DLGAP2: variants seen among roughly 807,000 people sequenced by gnomAD.
The protein encoded by DLGAP2 is disks large-associated protein 2.
In DLGAP2, 26 loss-of-function variants were observed where a neutral mutation model predicts 100.3. The ratio of observed to expected loss-of-function variants is 0.26; its 90% CI spans 0.19 to 0.36. The LOEUF (loss-of-function observed/expected upper bound fraction) is 0.36. DLGAP2 is among the 10% of genes least tolerant of loss of function. The pLI is 1.00. For missense variants in DLGAP2, 1,858 were observed against 1,453.2 expected (o/e 1.28, Z -4.53); for synonymous variants, 886 against 630.1 (o/e 1.41, Z -6.08).
intron 1 of DLGAP2, among the ~76,000 whole-genome samples, chr8:789,566 T>G (rs1362690965): frequency 6.6e-6 from 1 of 152,212 alleles, no homozygotes; most frequent in Non-Finnish European, 1.5e-5. Context: ...TGCAGAAAAC[T>G]GACTCTGGAT....
At chr8:1,536,279 T>C (rs1410932489) in intron 4 of DLGAP2, among the ~76,000 whole-genome samples, 6 of 152,152 alleles carry the variant, frequency 3.9e-5, no homozygotes, top group African/African-American at 7.2e-5. Context: ...CTGCCAGTCA[T>C]GGGTAGTGAC....
At chr8:777,525 A>G (rs1218475004) in intron 1 of DLGAP2, among the ~76,000 whole-genome samples, 3 of 150,144 alleles carry the variant, frequency 2.0e-5, no homozygotes, top group African/African-American at 7.4e-5. Flanking sequence ...TTCCTTCAGG[A>G]GCTCTTTTAG....
chr8:1,289,840 C>A (rs1563063647), intron 3 of DLGAP2, among the ~76,000 whole-genome samples: 1 of 152,146 alleles, frequency 6.6e-6, no homozygotes, highest in Non-Finnish European at 1.5e-5. Context: ...AGGATTTCAG[C>A]AGTGATGGGA....
At chr8:1,043,621 AG>A (rs1563161770) in intron 2 of DLGAP2, among the ~76,000 whole-genome samples, 3 of 151,866 alleles carry the variant, frequency 2.0e-5, no homozygotes, top group African/African-American at 2.4e-5. Flanking sequence ...GCAGTGGGGA[AG>A]GGGGATGAAG....
intron 3 of DLGAP2, among the ~76,000 whole-genome samples, chr8:1,422,000 C>T (rs909216839): frequency 2.6e-5 from 4 of 151,982 alleles, no homozygotes; most frequent in South Asian, 2.1e-4. Flanking sequence ...GAAAAAGTGG[C>T]GGGTAAAACA....
intron 2 of DLGAP2, among the ~76,000 whole-genome samples, chr8:1,232,627 C>G (rs998766386): frequency 2.0e-5 from 3 of 152,348 alleles, no homozygotes; most frequent in Non-Finnish European, 4.4e-5. Context: ...GTGGAATCCA[C>G]AAGATGCTTT....
intron 1 of DLGAP2, among the ~76,000 whole-genome samples, chr8:759,811 A>T (rs533613414): frequency 2.0e-5 from 3 of 152,278 alleles, no homozygotes; most frequent in African/African-American, 7.2e-5. Flanking sequence ...CGTTGCTTTT[A>T]GTTCTTCCTT....
At chr8:1,231,173 G>A (rs1182734480) in intron 2 of DLGAP2, among the ~76,000 whole-genome samples, 3 of 152,046 alleles carry the variant, frequency 2.0e-5, no homozygotes, top group Non-Finnish European at 2.9e-5. Flanking sequence ...CATTAAAATT[G>A]GACAAAAGAC....
At chr8:843,189 G>A (rs1797013638) in intron 1 of DLGAP2, among the ~76,000 whole-genome samples, 1 of 152,208 alleles carries the variant, frequency 6.6e-6, no homozygotes, top group African/African-American at 2.4e-5. Context: ...CAGAATCCGG[G>A]AGAGCTTTTC....
At chr8:1,329,893 A>G (rs1585265513) in intron 3 of DLGAP2, among the ~76,000 whole-genome samples, 1 of 152,230 alleles carries the variant, frequency 6.6e-6, no homozygotes, top group Non-Finnish European at 1.5e-5. Flanking sequence ...TGAAGTGCAC[A>G]ACTCATTGCT....
At chr8:1,194,784 C>T (rs531753386) in intron 2 of DLGAP2, among the ~76,000 whole-genome samples, 3 of 152,318 alleles carry the variant, frequency 2.0e-5, no homozygotes, top group Admixed American at 6.5e-5. Flanking sequence ...CTGTTCCCTA[C>T]AGAAGTCTCT....
chr8:1,277,761 T>C (rs189642730), intron 3 of DLGAP2, among the ~76,000 whole-genome samples: 1 of 152,264 alleles, frequency 6.6e-6, no homozygotes, highest in East Asian at 1.9e-4. Flanking sequence ...CCCCCACCCT[T>C]GGCAGGGCCG....
chr8:1,212,927 C>G (rs13268678), intron 2 of DLGAP2, among the ~76,000 whole-genome samples: 1 of 151,868 alleles, frequency 6.6e-6, no homozygotes, highest in Non-Finnish European at 1.5e-5. Flanking sequence ...TTTTAGTGCT[C>G]TTCATATAGA....
At chr8:1,051,897 G>A (rs189602041) in intron 2 of DLGAP2, among the ~76,000 whole-genome samples, 3 of 152,148 alleles carry the variant, frequency 2.0e-5, no homozygotes, top group South Asian at 2.1e-4. Context: ...ATTTCAACAT[G>A]CCATGGATTC....
Position 1,335,207 on chromosome 8 carries a change from C to G in DLGAP2, c.106+76324C>G, listed in dbSNP as rs73670768. Among the ~76,000 whole-genome samples the G allele has an allele frequency of 1.5e-3, 224 of 152,284 alleles. 1 individual carries two copies. Among genetic ancestry groups the G allele is most frequent in the African/African-American group, 5.1e-3 (211 of 41,554 alleles). On this transcript the variant is annotated intron_variant, in intron 3 of 14. Transcript: ENST00000637795. Reference sequence around the variant, plus strand: ...GGTAGTGTGGCCTTTCTCTCTCAGTCTACACCGAAGCCATCAGGAGGCTTC... The same window carrying G: ...GGTAGTGTGGCCTTTCTCTCTCAGTGTACACCGAAGCCATCAGGAGGCTTC...
At position 1,541,104 on chromosome 8, in the gene DLGAP2, T is replaced by C. The variant is rs561883905; in HGVS notation, c.173-7522T>C. 9.2e-5 allele frequency among the ~76,000 whole-genome samples: 14 copies of C among 152,274 alleles called. No homozygotes were observed. In the East Asian group the frequency reaches 2.7e-3, roughly 29 times the overall value. On this transcript the variant is annotated intron_variant, in intron 4 of 14. Coordinates refer to ENST00000637795, the MANE Select transcript of DLGAP2 (RefSeq NM_001346810.2). ...TTAACCATGTGTTATTCGGAGCAAT[T>C]CCAGCCTTGGAAATTTGCGGAGGAT...
At chr8:1,423,906 C>G (rs148667913) in intron 3 of DLGAP2, among the ~76,000 whole-genome samples, 40 of 152,338 alleles carry the variant, frequency 2.6e-4, no homozygotes, top group Middle Eastern at 3.4e-3. Flanking sequence ...AAAAATATCC[C>G]ACGTTCAGAA....
intron 3 of DLGAP2, among the ~76,000 whole-genome samples, chr8:1,389,869 G>T (rs1796308714): frequency 6.6e-6 from 1 of 152,046 alleles, no homozygotes; most frequent in African/African-American, 2.4e-5. Context: ...CATGAAAATT[G>T]GAAGACAACA....
chr8:1,589,309 T>A (rs915913769), intron 6 of DLGAP2, among the ~76,000 whole-genome samples: 1 of 152,272 alleles, frequency 6.6e-6, no homozygotes, highest in African/African-American at 2.4e-5. Flanking sequence ...GTATTGCAGT[T>A]ACCATAGTAA....
Sources: allele counts gnomAD v4.1 joint callset (sites outside exome capture counted in the v4.1 genomes callset), GRCh38; gene constraint gnomAD v4.1.1; transcripts MANE v1.5; gene names NCBI Gene and HGNC (gene_info 2026-07-23, HGNC 2026-07-21).